Variants in SHANK2 observed in about 807,000 individuals in gnomAD.
SHANK2 encodes the protein SH3 and multiple ankyrin repeat domains protein 2.
SHANK2 carries 43 observed loss-of-function variants against 133.7 expected under a neutral mutation model. The observed-to-expected ratio is 0.32, with a 90% CI of 0.25 to 0.41. The LOEUF is 0.41. SHANK2 is among the 10% of genes least tolerant of loss of function. The pLI is 1.00. For missense variants in SHANK2, 1,994 were observed against 2,235.8 expected (o/e 0.89, Z 2.18); for synonymous variants, 1,017 against 952.8 (o/e 1.07, Z -1.24).
At chr11:70,488,936 C>T (rs1445586794) in intron 24 of SHANK2, 3 of 279,184 alleles carry the variant, frequency 1.1e-5, no homozygotes, top group South Asian at 3.7e-5. Flanking sequence ...GACACAGACA[C>T]GTCAACAGGA....
At chr11:70,492,767 G>GT (rs1555156242) in intron 21 of SHANK2, among the ~76,000 whole-genome samples, 1 of 112,648 alleles carries the variant, frequency 8.9e-6, no homozygotes, top group African/African-American at 3.2e-5. Context: ...GGACATTTCT[G>GT]TTTTTTGGGA....
chr11:70,890,504 A>AAC (rs58665421), intron 11 of SHANK2, among the ~76,000 whole-genome samples: 1 of 149,764 alleles, frequency 6.7e-6, no homozygotes, highest in African/African-American at 2.5e-5. Context: ...AAACAAAAAA[A>AAC]ACAAAAAAAC....
intron 14 of SHANK2, among the ~76,000 whole-genome samples, chr11:70,759,929 G>C (rs1946955552): frequency 6.6e-6 from 1 of 152,188 alleles, no homozygotes; most frequent in Admixed American, 6.5e-5. Context: ...CTGAGGCATG[G>C]GACGGATTCT....
At chr11:70,951,880 C>G (rs1362431800) in intron 10 of SHANK2, among the ~76,000 whole-genome samples, 6 of 152,246 alleles carry the variant, frequency 3.9e-5, no homozygotes, top group African/African-American at 1.4e-4. Context: ...ACGTGGCGTT[C>G]TAACCCTTGT....
chr11:70,827,745 GAC>G (rs140486436), intron 11 of SHANK2, among the ~76,000 whole-genome samples: 3,170 of 146,390 alleles, frequency 0.022, 131 homozygotes, highest in African/African-American at 0.077. Flanking sequence ...AGAAAGACGA[GAC>G]AAGACGAGGA....
chr11:71,240,186 C>T (rs1369236953), intron 1 of SHANK2, among the ~76,000 whole-genome samples: 2 of 152,162 alleles, frequency 1.3e-5, no homozygotes, highest in Non-Finnish European at 2.9e-5. Context: ...AGCATAAAAC[C>T]TGCTGAAAAC....
chr11:70,638,778 G>A (rs189717904), intron 17 of SHANK2, among the ~76,000 whole-genome samples: 1 of 152,158 alleles, frequency 6.6e-6, no homozygotes, highest in Admixed American at 6.5e-5. Flanking sequence ...AGGCCGAGGC[G>A]GGTGGATCAG....
chr11:70,797,102 T>C (rs1947930358), intron 14 of SHANK2, among the ~76,000 whole-genome samples: 1 of 152,146 alleles, frequency 6.6e-6, no homozygotes, highest in Non-Finnish European at 1.5e-5. Context: ...AGCTGATAAA[T>C]GGATCTGTGA....
chr11:70,527,627 C>T (rs782129598), intron 17 of SHANK2, among the ~76,000 whole-genome samples: 1 of 152,192 alleles, frequency 6.6e-6, no homozygotes, highest in Non-Finnish European at 1.5e-5. Context: ...CTGGAGCCCC[C>T]GTGGTGGTGA....
chr11:70,482,045 GC>G (rs2058740942), intron 25 of SHANK2, among the ~76,000 whole-genome samples: 1 of 152,238 alleles, frequency 6.6e-6, no homozygotes, highest in African/African-American at 2.4e-5. Flanking sequence ...CTCCATGGGG[GC>G]TTTGTCCCAA....
chr11:70,472,406 CTG>C lies in SHANK2; in HGVS notation c.*461_*462del, dbSNP rs1161972656. ...GGGGCAGGTGAGCATCAGGTGTCCT[CTG>C]AGAGGCCACAGGACTGAGGAAAGGC... On this transcript the variant is annotated 3_prime_UTR_variant, in exon 26 of 26. Transcript: ENST00000601538. This position sits in a 1 kb window ranked among gnomAD's most constrained non-coding sequence, Gnocchi z 4.4. 2 of 197,174 alleles carry C rather than the reference CTG, an allele frequency of 1.0e-5. No individual in the cohort carries two copies. The highest frequency in any genetic ancestry group is 2.6e-4 in the East Asian group (2 of 7,674). 12.2% of individuals were successfully genotyped at this position (197,174 alleles called of 1,614,324 possible).
intron 8 of SHANK2, among the ~76,000 whole-genome samples, chr11:71,089,226 C>T (rs1443642819): frequency 3.9e-5 from 6 of 152,148 alleles, no homozygotes; most frequent in African/African-American, 7.2e-5. Context: ...CCGAAGCTCA[C>T]GCCATGCAGA....
At chr11:70,915,163 C>A (rs1361606574) in intron 10 of SHANK2, among the ~76,000 whole-genome samples, 1 of 152,072 alleles carries the variant, frequency 6.6e-6, no homozygotes, top group Non-Finnish European at 1.5e-5. Flanking sequence ...CCTCAGCTCC[C>A]AATATGATCC....
At chr11:71,132,369 G>A (rs1337488967) in intron 3 of SHANK2, among the ~76,000 whole-genome samples, 3 of 152,150 alleles carry the variant, frequency 2.0e-5, no homozygotes, top group Non-Finnish European at 2.9e-5. Flanking sequence ...CCAGCAAAGA[G>A]GGGACGGCTG....
chr11:71,118,303 C>A (rs35785590), intron 4 of SHANK2, among the ~76,000 whole-genome samples: 1 of 152,128 alleles, frequency 6.6e-6, no homozygotes, highest in African/African-American at 2.4e-5. Context: ...TTTATTAGTC[C>A]ATTTTCACAC....
At chr11:71,123,182 G>A (rs1952111482) in intron 3 of SHANK2, among the ~76,000 whole-genome samples, 1 of 152,154 alleles carries the variant, frequency 6.6e-6, no homozygotes, top group Non-Finnish European at 1.5e-5. Context: ...TTGACTCACT[G>A]TCCAATCAGG....
At chr11:70,781,584 T>TATATATATATATATATATA (rs1565311807) in intron 14 of SHANK2, among the ~76,000 whole-genome samples, 2 of 14,510 alleles carry the variant, frequency 1.4e-4, no homozygotes, top group Non-Finnish European at 3.5e-4. Flanking sequence ...ATATATATAT[T>TATATATATATATATATATA]TACTTATTTA....
chr11:71,121,680 A>C (rs1952086249), intron 3 of SHANK2, among the ~76,000 whole-genome samples: 2 of 152,162 alleles, frequency 1.3e-5, no homozygotes, highest in South Asian at 2.1e-4. Flanking sequence ...GTTTTCTTCT[A>C]GTGTTTTTAT....
chr11:71,136,282 G>A (rs1276384556), intron 3 of SHANK2, among the ~76,000 whole-genome samples: 1 of 152,092 alleles, frequency 6.6e-6, no homozygotes, highest in East Asian at 1.9e-4. Flanking sequence ...GAAACGTGGT[G>A]CATATGTGCA....
Sources: allele counts gnomAD v4.1 joint callset (sites outside exome capture counted in the v4.1 genomes callset), GRCh38; gene constraint gnomAD v4.1.1; non-coding constraint Gnocchi (gnomAD v3.1); transcripts MANE v1.5; gene names NCBI Gene and HGNC (gene_info 2026-07-23, HGNC 2026-07-21).